PRDM11: variants seen among roughly 807,000 people sequenced by gnomAD.
The protein encoded by PRDM11 is PR domain-containing protein 11.
A neutral mutation model predicts 97.8 loss-of-function variants in PRDM11; 20 were observed. The ratio of observed to expected loss-of-function variants is 0.20; its 90% CI spans 0.14 to 0.30. PRDM11 has a LOEUF of 0.30. PRDM11 is among the 10% of genes least tolerant of loss of function. The pLI, the probability that PRDM11 is intolerant of heterozygous loss-of-function variation, is 1.00. For synonymous variants in PRDM11, 599 were observed against 637.7 expected, an observed-to-expected ratio of 0.94 and a Z score of 0.91; for missense variants, 1,139 against 1,555.2, an observed-to-expected ratio of 0.73 and a Z score of 4.50.
intron 1 of PRDM11, among the ~76,000 whole-genome samples, chr11:45,167,793 A>G (rs1046305106): frequency 2.2e-5 from 3 of 138,798 alleles, no homozygotes; most frequent in African/African-American, 8.9e-5. Flanking sequence ...ACACACACAC[A>G]CACACACACG....
intron 4 of PRDM11, among the ~76,000 whole-genome samples, chr11:45,184,775 C>T (rs2135743807): frequency 6.6e-6 from 1 of 152,118 alleles, no homozygotes; most frequent in South Asian, 2.1e-4. Context: ...ATATATGGGT[C>T]CGAAGCTTGG....
chr11:45,130,913 A>AT (rs1368351684), intron 1 of PRDM11, among the ~76,000 whole-genome samples: 1 of 152,206 alleles, frequency 6.6e-6, no homozygotes, highest in Non-Finnish European at 1.5e-5. Context: ...ACTACCCAAG[A>AT]TACATTAGAG....
At chr11:45,145,034 G>A (rs1020120611), upstream of PRDM11, among the ~76,000 whole-genome samples, 1 of 152,034 alleles carries the variant, frequency 6.6e-6, no homozygotes, top group Non-Finnish European at 1.5e-5. Context: ...ACCAAGCAGA[G>A]AAATACTCAG....
intron 4 of PRDM11, among the ~76,000 whole-genome samples, chr11:45,188,540 C>T (rs773222757): frequency 2.0e-5 from 3 of 152,240 alleles, no homozygotes; most frequent in African/African-American, 4.8e-5. Flanking sequence ...TCTTTGTCTT[C>T]GCTTAACCTG....
At chr11:45,180,971 T>TTAG (rs1852473839) in intron 1 of PRDM11, among the ~76,000 whole-genome samples, 2 of 152,046 alleles carry the variant, frequency 1.3e-5, no homozygotes, top group African/African-American at 2.4e-5. Context: ...AGGGGGCTGA[T>TTAG]TAGCCGAGGA....
intron 5 of PRDM11, among the ~76,000 whole-genome samples, chr11:45,216,404 C>T (rs140148301): frequency 3.3e-5 from 5 of 152,114 alleles, no homozygotes. Context: ...CTGATTTCTG[C>T]AGCCATGTAA....
chr11:45,098,494 G>C (rs1851921641), intron 1 of PRDM11, among the ~76,000 whole-genome samples: 1 of 152,164 alleles, frequency 6.6e-6, no homozygotes, highest in South Asian at 2.1e-4. Flanking sequence ...GGTCAGTGAG[G>C]TTGCTACTAA....
intron 1 of PRDM11, among the ~76,000 whole-genome samples, chr11:45,181,130 G>A (rs779828190): frequency 3.9e-5 from 6 of 152,206 alleles, no homozygotes; most frequent in Admixed American, 6.5e-5. Flanking sequence ...CCGGGGTGCC[G>A]AGGGAGGGGC....
intron 1 of PRDM11, among the ~76,000 whole-genome samples, chr11:45,164,884 G>A (rs933628384): frequency 6.6e-6 from 1 of 152,088 alleles, no homozygotes; most frequent in East Asian, 1.9e-4. Context: ...AATCCCAAAG[G>A]CCTCATTGTG....
chr11:45,175,095 A>G (rs1222760658), intron 1 of PRDM11, among the ~76,000 whole-genome samples: 1 of 152,222 alleles, frequency 6.6e-6, no homozygotes, highest in East Asian at 1.9e-4. Context: ...ATCCCACACC[A>G]AAGTGGAACA....
chr11:45,197,307 A>G (rs958435601), intron 4 of PRDM11, among the ~76,000 whole-genome samples: 1 of 152,294 alleles, frequency 6.6e-6, no homozygotes, highest in Middle Eastern at 3.4e-3. Context: ...AAATTCATAG[A>G]GACAGAGAGT....
intron 4 of PRDM11, among the ~76,000 whole-genome samples, chr11:45,194,590 C>CTTTTT (rs1183339151): frequency 0.029 from 2,631 of 89,836 alleles, 603 homozygotes; most frequent in South Asian, 0.047. Flanking sequence ...TTATTATCTT[C>CTTTTT]TGTTTTTTTT....
intron 1 of PRDM11, among the ~76,000 whole-genome samples, chr11:45,138,320 T>A (rs987666678): frequency 6.6e-6 from 1 of 152,168 alleles, no homozygotes; most frequent in East Asian, 1.9e-4. Context: ...AATCCTAGTA[T>A]CTTGGGCAGC....
intron 1 of PRDM11, among the ~76,000 whole-genome samples, chr11:45,179,580 G>C (rs776116363): frequency 3.3e-5 from 5 of 152,302 alleles, no homozygotes; most frequent in Non-Finnish European, 5.9e-5. Flanking sequence ...GGTTCCTGGT[G>C]GTGGCACTCC....
At position 45,178,625 on chromosome 11, in the gene PRDM11, C is replaced by T. The variant is rs147060058; in HGVS notation, c.-6-3136C>T. On this transcript the variant is annotated intron_variant, in intron 1 of 7. Coordinates refer to ENST00000683152, the MANE Select transcript of PRDM11 (RefSeq NM_001384648.1). ...GACCAGTGGGACACATCAGAGGGACCAGTGAGATATGAAGGGGAACATTTG... is the reference window on the plus strand; with the variant it reads ...GACCAGTGGGACACATCAGAGGGACTAGTGAGATATGAAGGGGAACATTTG... Among the ~76,000 whole-genome samples the T allele has an allele frequency of 1.4e-3, 218 of 152,292 alleles. 1 individual carries two copies. Among genetic ancestry groups the T allele is most frequent in the African/African-American group, 5.0e-3 (208 of 41,560 alleles).
chr11:45,116,471 G>T (rs1351138816), intron 1 of PRDM11, among the ~76,000 whole-genome samples: 1 of 152,132 alleles, frequency 6.6e-6, no homozygotes, highest in Non-Finnish European at 1.5e-5. Flanking sequence ...AATTAAGTTG[G>T]ATAGCAATGA....
At chr11:45,160,626 G>T (rs1227258447) in intron 1 of PRDM11, among the ~76,000 whole-genome samples, 1 of 152,198 alleles carries the variant, frequency 6.6e-6, no homozygotes, top group African/African-American at 2.4e-5. Context: ...GTTTTAGAAA[G>T]GATCGTCATT....
intron 5 of PRDM11, among the ~76,000 whole-genome samples, chr11:45,215,453 C>G (rs545294813): frequency 3.3e-5 from 5 of 152,202 alleles, no homozygotes; most frequent in Non-Finnish European, 7.3e-5. Flanking sequence ...TGTCGTGAAA[C>G]CATTCCCAGG....
intron 1 of PRDM11, among the ~76,000 whole-genome samples, chr11:45,167,001 G>C (rs1200220486): frequency 2.0e-5 from 3 of 152,120 alleles, no homozygotes; most frequent in Non-Finnish European, 2.9e-5. Context: ...GCTCAGCCCA[G>C]CTCATTCATA....
Sources: allele counts gnomAD v4.1 joint callset (sites outside exome capture counted in the v4.1 genomes callset), GRCh38; gene constraint gnomAD v4.1.1; transcripts MANE v1.5; gene names NCBI Gene and HGNC (gene_info 2026-07-23, HGNC 2026-07-21).